The following CDH13 variants were observed in gnomAD, a reference collection of about 807,000 sequenced individuals.
CDH13 encodes the protein cadherin 13, also known as cadherin-13.
In CDH13, 24 loss-of-function variants were observed where a neutral mutation model predicts 63.8. The observed-to-expected ratio is 0.38, with a 90% CI of 0.27 to 0.53. CDH13 has a LOEUF of 0.53. Ranked by LOEUF, CDH13 falls within the 20% of genes least tolerant of loss-of-function variation. The pLI is 0.85. For missense variants in CDH13, 1,049 were observed against 903.1 expected, an observed-to-expected ratio of 1.16 and a Z score of -2.07; for synonymous variants, 503 against 355.3, an observed-to-expected ratio of 1.42 and a Z score of -4.67.
chr16:82,971,783 C>T (rs566919203), intron 2 of CDH13, among the ~76,000 whole-genome samples: 7 of 152,246 alleles, frequency 4.6e-5, no homozygotes, highest in Admixed American at 1.3e-4. Flanking sequence ...GATTGTTTCC[C>T]CTTAACTGCC....
At chr16:83,157,144 T>G (rs1045684755) in intron 4 of CDH13, among the ~76,000 whole-genome samples, 3 of 152,230 alleles carry the variant, frequency 2.0e-5, no homozygotes, top group African/African-American at 7.2e-5. Flanking sequence ...GTCTCAGAAT[T>G]GACTTTTTAG....
chr16:83,449,133 T>C (rs1383758994), intron 6 of CDH13, among the ~76,000 whole-genome samples: 1 of 152,166 alleles, frequency 6.6e-6, no homozygotes, highest in Non-Finnish European at 1.5e-5. Flanking sequence ...ATGTCTTACA[T>C]TCCTCTGGAC....
intron 8 of CDH13, among the ~76,000 whole-genome samples, chr16:83,632,787 C>T (rs1295182139): frequency 1.3e-5 from 2 of 149,676 alleles, no homozygotes; most frequent in Non-Finnish European, 3.0e-5. Context: ...AATGGCTGCT[C>T]TATAGGCAGA....
chr16:83,035,146 C>T (rs991513323), intron 3 of CDH13, among the ~76,000 whole-genome samples: 1 of 151,896 alleles, frequency 6.6e-6, no homozygotes, highest in African/African-American at 2.4e-5. Flanking sequence ...CAAAAGAATC[C>T]CTCTGAAGAG....
chr16:82,751,348 C>T (rs1302926377), intron 1 of CDH13, among the ~76,000 whole-genome samples: 3 of 152,104 alleles, frequency 2.0e-5, no homozygotes, highest in Non-Finnish European at 4.4e-5. Flanking sequence ...CCCAAAGGAA[C>T]AATGGAGCAT....
At chr16:83,199,394 G>C (rs2151763959) in intron 4 of CDH13, among the ~76,000 whole-genome samples, 1 of 152,320 alleles carries the variant, frequency 6.6e-6, no homozygotes, top group African/African-American at 2.4e-5. Flanking sequence ...GTTTTGGATT[G>C]ATCTGGATGA....
chr16:82,994,452 T>G (rs2151412374), intron 2 of CDH13, among the ~76,000 whole-genome samples: 1 of 152,326 alleles, frequency 6.6e-6, no homozygotes, highest in East Asian at 1.9e-4. Context: ...GCCTAGGGCT[T>G]CTATCAGCTC....
intron 1 of CDH13, among the ~76,000 whole-genome samples, chr16:82,851,009 G>A (rs1368580617): frequency 1.3e-5 from 2 of 152,162 alleles, no homozygotes; most frequent in Non-Finnish European, 1.5e-5. Flanking sequence ...TATTGCTATG[G>A]TCTGGAACCG....
chr16:83,700,292 G>T (rs2150906866), intron 10 of CDH13, among the ~76,000 whole-genome samples: 1 of 152,342 alleles, frequency 6.6e-6, no homozygotes, highest in East Asian at 1.9e-4. Flanking sequence ...TCTGCAGAAA[G>T]ATTCAATTCT....
chr16:83,441,225 A>C (rs2151495387), intron 6 of CDH13, among the ~76,000 whole-genome samples: 1 of 152,328 alleles, frequency 6.6e-6, no homozygotes, highest in East Asian at 1.9e-4. Flanking sequence ...GTTGGCACTC[A>C]ATCTCTACCT....
chr16:83,653,023 G>A (rs1912534517), intron 8 of CDH13, among the ~76,000 whole-genome samples: 1 of 152,102 alleles, frequency 6.6e-6, no homozygotes, highest in Admixed American at 6.5e-5. Context: ...GTGAAAACAC[G>A]ATGTTCAGTG....
Position 82,686,706 on chromosome 16 carries a change from C to T in CDH13, c.45+59569C>T, listed in dbSNP as rs535636910. ...ATTTTAGTGCAGGCCTTTCTTCCTT[C>T]CGTTGACAACCCAGAATGTTGCTTG... is the stretch of plus-strand genomic sequence containing the variant. On this transcript the variant is annotated intron_variant, in intron 1 of 13. Transcript: ENST00000567109. Among the ~76,000 whole-genome samples the T allele has an allele frequency of 3.9e-5, 6 of 152,300 alleles. No individual in the cohort carries two copies. In the South Asian group the frequency reaches 1.0e-3, roughly 26 times the overall value.
chr16:82,970,681 A>C (rs1217012749), intron 2 of CDH13, among the ~76,000 whole-genome samples: 2 of 152,040 alleles, frequency 1.3e-5, no homozygotes, highest in African/African-American at 2.4e-5. Context: ...CATATTCTTA[A>C]GGGCTCAGCT....
At chr16:83,244,632 A>G (rs902583560) in intron 5 of CDH13, among the ~76,000 whole-genome samples, 9 of 152,112 alleles carry the variant, frequency 5.9e-5, no homozygotes, top group Admixed American at 5.2e-4. Context: ...AGAAAGACTC[A>G]TGGACTCTAC....
intron 5 of CDH13, among the ~76,000 whole-genome samples, chr16:83,269,467 C>T (rs1353863833): frequency 6.6e-6 from 1 of 152,112 alleles, no homozygotes; most frequent in Non-Finnish European, 1.5e-5. Context: ...TACAAAGATG[C>T]AGTCTGTTGG....
intron 2 of CDH13, among the ~76,000 whole-genome samples, chr16:83,011,304 T>G (rs1914127654): frequency 6.6e-6 from 1 of 152,154 alleles, no homozygotes; most frequent in South Asian, 2.1e-4. Flanking sequence ...AATGATGACG[T>G]CATGCTTGCA....
In CDH13 at chr16:83,734,613, A is replaced by G. The variant is rs910158896; in HGVS notation, c.1539-13495A>G. ...GGGGGAAGGGGGGAGGGATAGCATTAGGAGATATACCTAATGCTAAATGAC... is the reference window on the plus strand; with the variant it reads ...GGGGGAAGGGGGGAGGGATAGCATTGGGAGATATACCTAATGCTAAATGAC... On this transcript the variant is annotated intron_variant, in intron 10 of 13. Coordinates refer to ENST00000567109, the MANE Select transcript of CDH13 (RefSeq NM_001257.5). Among the ~76,000 whole-genome samples, 5 of 151,948 alleles carry G rather than the reference A, an allele frequency of 3.3e-5. No homozygotes were observed. In the South Asian group the frequency reaches 1.0e-3, roughly 32 times the overall value.
intron 6 of CDH13, among the ~76,000 whole-genome samples, chr16:83,354,422 T>C (rs1279389052): frequency 6.6e-6 from 1 of 152,210 alleles, no homozygotes; most frequent in African/African-American, 2.4e-5. Context: ...ATGAGTCAGA[T>C]AATATTATAG....
At chr16:82,959,638 T>A (rs1384619096) in intron 2 of CDH13, among the ~76,000 whole-genome samples, 2 of 152,202 alleles carry the variant, frequency 1.3e-5, no homozygotes, top group Non-Finnish European at 2.9e-5. Flanking sequence ...TGCATTGGGT[T>A]CACCTGGGTA....
Sources: gnomAD v4.1 joint callset for allele counts (sites outside exome capture counted in the v4.1 genomes callset) on GRCh38, gnomAD v4.1.1 for gene constraint, MANE v1.5 for transcripts, NCBI Gene and HGNC (gene_info 2026-07-23, HGNC 2026-07-21) for gene names.